Variants in SOX5 observed in about 807,000 individuals in gnomAD.
The protein encoded by SOX5 is SRY-box transcription factor 5, also known as transcription factor SOX-5.
Under a neutral mutation model 92.0 loss-of-function variants are expected in SOX5, and 9 were observed. The ratio of observed to expected loss-of-function variants is 0.10; its 90% CI spans 0.06 to 0.17. SOX5 has a LOEUF of 0.17. SOX5 is among the 10% of genes least tolerant of loss of function. The pLI, the probability that SOX5 is intolerant of heterozygous loss-of-function variation, is 1.00. For synonymous variants in SOX5, 344 were observed against 336.3 expected (o/e 1.02, Z -0.25); for missense variants, 642 against 944.5 (o/e 0.68, Z 4.20).
intron 1 of SOX5, among the ~76,000 whole-genome samples, chr12:24,450,470 T>TTTATTTTATTTA (rs1555300495): frequency 6.9e-6 from 1 of 145,786 alleles, no homozygotes; most frequent in Non-Finnish European, 1.5e-5. Flanking sequence ...TGTGTATTTA[T>TTTATTTTATTTA]TTTATTTATT....
At chr12:23,692,428 C>G (rs543211537) in intron 6 of SOX5, among the ~76,000 whole-genome samples, 2 of 130,268 alleles carry the variant, frequency 1.5e-5, no homozygotes, top group Admixed American at 8.4e-5. Flanking sequence ...CAGAGTGAGA[C>G]TACGCCTCAG....
At chr12:24,524,772 C>G (rs1950559258) in intron 1 of SOX5, among the ~76,000 whole-genome samples, 1 of 152,134 alleles carries the variant, frequency 6.6e-6, no homozygotes, top group South Asian at 2.1e-4. Flanking sequence ...CCTGTAAACC[C>G]TTGGGAGGCT....
intron 3 of SOX5, among the ~76,000 whole-genome samples, chr12:23,775,578 A>T (rs1386658930): frequency 6.6e-6 from 1 of 152,206 alleles, no homozygotes; most frequent in Non-Finnish European, 1.5e-5. Context: ...AATCCTTATT[A>T]TTTGAACTTA....
At chr12:24,363,734 G>C (rs1364312064) in intron 2 of SOX5, among the ~76,000 whole-genome samples, 2 of 150,164 alleles carry the variant, frequency 1.3e-5, no homozygotes, top group African/African-American at 4.9e-5. Context: ...AAAAAAGTCT[G>C]ATTCATCTTA....
At position 23,640,838 on chromosome 12, in the gene SOX5, G is replaced by C; in HGVS notation, c.991C>G (p.Pro331Ala). 6.2e-7 allele frequency: 1 copy of C among 1,613,902 alleles called. No homozygotes were observed. The highest frequency in any genetic ancestry group is 8.5e-7 in the Non-Finnish European group (1 of 1,179,784). ...TTMAAAAAAT[P>A]GLGPLQLQQL... ...TGCAGTTGGAGTGGGCCTAAGCCTG[G>C]TGTTGCTGCGGCAGCAGCTGCCATG... Residue 331 changes from proline (P) to alanine (A), a missense_variant, in exon 8 of 15, where the codon CCA (proline) becomes GCA (alanine). Coordinates refer to ENST00000451604, the MANE Select transcript of SOX5 (RefSeq NM_006940.6).
chr12:23,591,469 G>A (rs1014969973), intron 9 of SOX5, among the ~76,000 whole-genome samples: 2 of 151,998 alleles, frequency 1.3e-5, no homozygotes, highest in African/African-American at 2.4e-5. Flanking sequence ...TTATAGTCCT[G>A]GATAGAACAG....
chr12:24,175,347 G>T (rs746550516), intron 4 of SOX5, among the ~76,000 whole-genome samples: 1 of 152,142 alleles, frequency 6.6e-6, no homozygotes, highest in East Asian at 1.9e-4. Flanking sequence ...ATAAAACTGG[G>T]ACATACCAAA....
chr12:23,674,460 C>T (rs890663543), intron 6 of SOX5, among the ~76,000 whole-genome samples: 4 of 150,656 alleles, frequency 2.7e-5, no homozygotes, highest in African/African-American at 4.9e-5. Context: ...TCCTCAGCCT[C>T]CAGAGTAGCT....
chr12:24,109,305 G>A lies in SOX5; in HGVS notation c.-2+104038C>T, dbSNP rs1258426722. Among the ~76,000 whole-genome samples the A allele has an allele frequency of 2.0e-5, 3 of 152,114 alleles. No individual in the cohort carries two copies. The South Asian group carries it at 6.2e-4, about 32-fold the overall frequency. ...ACTTTTAAACTGTTAGCCAATTTAAGTGAGAAAACCACAAAATAATTGGTA... is the reference window on the plus strand; with the variant it reads ...ACTTTTAAACTGTTAGCCAATTTAAATGAGAAAACCACAAAATAATTGGTA... On this transcript the variant is annotated intron_variant, in intron 4 of 4. Coordinates refer to the SOX5 transcript ENST00000446891.
intron 4 of SOX5, among the ~76,000 whole-genome samples, chr12:24,165,337 C>G (rs1284473092): frequency 1.3e-5 from 2 of 152,152 alleles, no homozygotes; most frequent in East Asian, 3.9e-4. Flanking sequence ...ATGCTTAAAA[C>G]TGAAGGATTA....
At chr12:23,810,751 C>G (rs558692037) in intron 3 of SOX5, among the ~76,000 whole-genome samples, 1 of 152,184 alleles carries the variant, frequency 6.6e-6, no homozygotes, top group South Asian at 2.1e-4. Flanking sequence ...ATCTCCTTCC[C>G]TTTTTTCCTT....
chr12:24,037,947 G>A (rs905423829), intron 4 of SOX5, among the ~76,000 whole-genome samples: 1 of 151,952 alleles, frequency 6.6e-6, no homozygotes. Context: ...ACACTTGAAC[G>A]CATTAAAAAA....
chr12:24,036,334 C>A (rs1657559598), intron 4 of SOX5, among the ~76,000 whole-genome samples: 1 of 152,056 alleles, frequency 6.6e-6, no homozygotes, highest in Non-Finnish European at 1.5e-5. Context: ...ATAATTAATG[C>A]CATTAAACAT....
chr12:23,631,959 G>C (rs112770348), intron 8 of SOX5, among the ~76,000 whole-genome samples: 15 of 152,196 alleles, frequency 9.9e-5, no homozygotes, highest in African/African-American at 3.1e-4. Context: ...TTCCTTAAAG[G>C]GGATTCTCGA....
chr12:24,514,918 G>C (rs181343794), intron 1 of SOX5, among the ~76,000 whole-genome samples: 64 of 152,286 alleles, frequency 4.2e-4, no homozygotes, highest in Non-Finnish European at 7.9e-4. Flanking sequence ...GGAGGAGGGA[G>C]AGGATCAGGA....
chr12:24,148,879 G>A (rs1951380309), intron 4 of SOX5, among the ~76,000 whole-genome samples: 4 of 151,658 alleles, frequency 2.6e-5, no homozygotes, highest in Admixed American at 2.6e-4. Flanking sequence ...GACAGAGGGA[G>A]AGGGAGACTG....
chr12:24,351,683 G>A (rs1240252937), intron 2 of SOX5, among the ~76,000 whole-genome samples: 1 of 152,176 alleles, frequency 6.6e-6, no homozygotes, highest in African/African-American at 2.4e-5. Context: ...AAATTATAAT[G>A]ATTAGTTATT....
chr12:24,418,388 C>T (rs567585352), intron 1 of SOX5, among the ~76,000 whole-genome samples: 1 of 152,188 alleles, frequency 6.6e-6, no homozygotes, highest in Non-Finnish European at 1.5e-5. Flanking sequence ...CTATAAATAG[C>T]ATTCACTTGG....
At chr12:23,872,736 G>A (rs1363549305) in intron 2 of SOX5, among the ~76,000 whole-genome samples, 3 of 152,142 alleles carry the variant, frequency 2.0e-5, no homozygotes, top group Non-Finnish European at 2.9e-5. Context: ...TTTTATCAAA[G>A]TGACTAATAT....
Sources: allele counts gnomAD v4.1 joint callset (sites outside exome capture counted in the v4.1 genomes callset), GRCh38; gene constraint gnomAD v4.1.1; transcripts MANE v1.5; gene names NCBI Gene and HGNC (gene_info 2026-07-23, HGNC 2026-07-21).